Variants in EFCAB6 observed in about 807,000 individuals in gnomAD.
EFCAB6 encodes the protein EF-hand calcium binding domain 6.
Under a neutral mutation model 169.8 loss-of-function variants are expected in EFCAB6, and 156 were observed. That is an observed-to-expected ratio of 0.92 (90% CI 0.81 to 1.05). EFCAB6 has a LOEUF of 1.05. Among genes scored for constraint, EFCAB6 ranks in the 50% least tolerant of loss-of-function variants. EFCAB6 has a pLI of 0.00. For missense variants in EFCAB6, 1,800 were observed against 1,829.1 expected (o/e 0.98, Z 0.29); for synonymous variants, 698 against 676.4 (o/e 1.03, Z -0.50).
At chr22:43,560,874 G>A (rs1347535143) in intron 26 of EFCAB6, among the ~76,000 whole-genome samples, 4 of 152,140 alleles carry the variant, frequency 2.6e-5, no homozygotes, top group Non-Finnish European at 4.4e-5. Flanking sequence ...ATAGGTCCCC[G>A]CCCTCACTTG....
chr22:43,585,132 CAT>C (rs546890762), intron 24 of EFCAB6, among the ~76,000 whole-genome samples: 2 of 152,070 alleles, frequency 1.3e-5, no homozygotes, highest in Non-Finnish European at 2.9e-5. Flanking sequence ...GAAGCAGACT[CAT>C]ATATGACACA....
At chr22:43,690,718 G>T (rs983593319) in intron 10 of EFCAB6, among the ~76,000 whole-genome samples, 1 of 151,548 alleles carries the variant, frequency 6.6e-6, no homozygotes, top group Non-Finnish European at 1.5e-5. Context: ...TGGTCTCTCC[G>T]TTCTTCCAAA....
chr22:43,794,970 G>A (rs912138536), intron 2 of EFCAB6, among the ~76,000 whole-genome samples: 1 of 152,128 alleles, frequency 6.6e-6, no homozygotes, highest in Admixed American at 6.5e-5. Context: ...TGCCTCCACA[G>A]CTAGGCAACA....
At chr22:43,543,726 C>A (rs943758957) in intron 27 of EFCAB6, among the ~76,000 whole-genome samples, 7 of 152,102 alleles carry the variant, frequency 4.6e-5, no homozygotes, top group African/African-American at 1.7e-4. Flanking sequence ...AAAGCTTCAC[C>A]CGAGGCCCAG....
In EFCAB6 at chr22:43,626,445, A is replaced by T. The variant is rs1418951676; in HGVS notation, c.2465+2T>A. 6.2e-7 allele frequency: 1 copy of T among 1,613,744 alleles called. No homozygotes were observed. The highest frequency in any genetic ancestry group is 1.3e-5 in the African/African-American group (1 of 74,898). ...AGACACAGACCCGTGCTGCCTTCTT[A>T]CCTAATGAGTCTTTGAGGCGCTTCA... On this transcript the variant is annotated splice_donor_variant, in intron 20 of 31. Transcript: ENST00000262726. LOFTEE classifies it high-confidence loss of function.
intron 26 of EFCAB6, among the ~76,000 whole-genome samples, chr22:43,559,629 T>C (rs1051979228): frequency 1.3e-5 from 2 of 152,324 alleles, no homozygotes; most frequent in Non-Finnish European, 2.9e-5. Flanking sequence ...CCATCAATGA[T>C]AGACTGGATA....
At chr22:43,739,220 C>T (rs184060231) in intron 6 of EFCAB6, among the ~76,000 whole-genome samples, 20 of 152,372 alleles carry the variant, frequency 1.3e-4, no homozygotes, top group African/African-American at 4.6e-4. Context: ...CCTTGTCAAA[C>T]CCAAGGGCCA....
chr22:43,751,756 G>T (rs1289923246), intron 6 of EFCAB6, among the ~76,000 whole-genome samples: 1 of 152,342 alleles, frequency 6.6e-6, no homozygotes, highest in South Asian at 2.1e-4. Context: ...GATGGACTGG[G>T]TCTAACTACA....
intron 19 of EFCAB6, 138 bp downstream of exon 19, chr22:43,631,966 TG>T: frequency 1.6e-6 from 2 of 1,281,876 alleles, no homozygotes; most frequent in Non-Finnish European, 2.1e-6. Flanking sequence ...TGACCAATGC[TG>T]GGTCTGCAGA....
intron 5 of EFCAB6, among the ~76,000 whole-genome samples, chr22:43,762,427 T>C (rs538701013): frequency 6.6e-6 from 1 of 152,326 alleles, no homozygotes; most frequent in East Asian, 1.9e-4. Context: ...CTTTGTAGAA[T>C]GCTCCCTTCT....
At chr22:43,565,661 T>C (rs1383355746) in intron 26 of EFCAB6, among the ~76,000 whole-genome samples, 1 of 152,210 alleles carries the variant, frequency 6.6e-6, no homozygotes. Context: ...ATGAAGTTTA[T>C]AATTAGCTCA....
intron 6 of EFCAB6, among the ~76,000 whole-genome samples, chr22:43,743,952 G>T (rs781233101): frequency 4.0e-5 from 6 of 151,470 alleles, no homozygotes; most frequent in Non-Finnish European, 8.8e-5. Flanking sequence ...GGACAGATGG[G>T]TGAACGGATG....
chr22:43,754,373 G>C (rs1224712402), intron 6 of EFCAB6, among the ~76,000 whole-genome samples: 1 of 152,164 alleles, frequency 6.6e-6, no homozygotes, highest in Non-Finnish European at 1.5e-5. Flanking sequence ...CCCGGGTCCC[G>C]GGGTCAGTCT....
chr22:43,765,577 CAGCAAATAGAGTGTAAAT>C (rs1268993003), intron 4 of EFCAB6, among the ~76,000 whole-genome samples, 184 bp from the exon 5 acceptor site: 1 of 152,094 alleles, frequency 6.6e-6, no homozygotes, highest in Non-Finnish European at 1.5e-5. Context: ...CATGCATTCT[CAGCAAATAGAGTGTAAAT>C]AGCACCCTAG....
chr22:43,675,451 A>ATG (rs1376762950), intron 13 of EFCAB6, among the ~76,000 whole-genome samples: 8 of 94,862 alleles, frequency 8.4e-5, no homozygotes, highest in Non-Finnish European at 1.0e-4. Context: ...AATATAGTAT[A>ATG]ATATATGATA....
chr22:43,748,485 C>T (rs183914048), intron 6 of EFCAB6, among the ~76,000 whole-genome samples: 1 of 152,328 alleles, frequency 6.6e-6, no homozygotes, highest in African/African-American at 2.4e-5. Context: ...TCCCCTATCC[C>T]ATCCTCAACG....
At chr22:43,752,737 G>C (rs932163276) in intron 6 of EFCAB6, among the ~76,000 whole-genome samples, 14 of 152,204 alleles carry the variant, frequency 9.2e-5, no homozygotes, top group Admixed American at 2.0e-4. Context: ...ACCAGGAAGA[G>C]AGGTAGGTGT....
rs1423240776 is a variant in EFCAB6 at position 43,664,791 on chromosome 22, T to C, written c.1983+2313A>G. 2.6e-5 allele frequency among the ~76,000 whole-genome samples: 4 copies of C among 152,196 alleles called. No homozygotes were observed. In the East Asian group the frequency reaches 7.8e-4, roughly 30 times the overall value. ...GGAGGTGGTTGGACCATGCAGGGTC[T>C]CCTAGGCCAGGCTCAGGCCCTGGTT... On this transcript the variant is annotated intron_variant, in intron 17 of 31. Transcript: ENST00000262726.
At chr22:43,773,985 A>G (rs1444171274) in intron 3 of EFCAB6, among the ~76,000 whole-genome samples, 1 of 152,216 alleles carries the variant, frequency 6.6e-6, no homozygotes, top group Non-Finnish European at 1.5e-5. Flanking sequence ...GTGATACACC[A>G]TAGGCCTCCT....
Sources: allele counts gnomAD v4.1 joint callset (sites outside exome capture counted in the v4.1 genomes callset), GRCh38; gene constraint gnomAD v4.1.1; transcripts MANE v1.5; gene names NCBI Gene and HGNC (gene_info 2026-07-23, HGNC 2026-07-21).